Variants in ARIH2 observed in about 807,000 individuals in gnomAD.
ARIH2 encodes the protein E3 ubiquitin-protein ligase ARIH2.
A neutral mutation model predicts 79.8 loss-of-function variants in ARIH2; 12 were observed. The observed-to-expected ratio is 0.15, with a 90% CI of 0.10 to 0.24. ARIH2 has a LOEUF of 0.24. Ranked by LOEUF, ARIH2 falls within the 10% of genes least tolerant of loss-of-function variation. The probability of loss-of-function intolerance (pLI) is 1.00; values close to 1 mark genes in which losing one functional copy is unlikely to be tolerated. For synonymous variants in ARIH2, 224 were observed against 213.9 expected (o/e 1.05, Z -0.41); for missense variants, 301 against 618.3 (o/e 0.49, Z 5.44).
chr3:48,949,818 CT>C (rs148247018), intron 3 of ARIH2, among the ~76,000 whole-genome samples: 41 of 147,480 alleles, frequency 2.8e-4, no homozygotes, highest in South Asian at 8.6e-4. Flanking sequence ...TTACCTGTAT[CT>C]TTTTTTTTTA....
intron 3 of ARIH2, among the ~76,000 whole-genome samples, chr3:48,928,245 T>C: frequency 6.6e-6 from 1 of 152,270 alleles, no homozygotes; most frequent in Admixed American, 6.5e-5. Flanking sequence ...GAATAGTCAT[T>C]GCCTTTGGGC....
chr3:48,954,859 T>C (rs1426883699), intron 3 of ARIH2, among the ~76,000 whole-genome samples: 1 of 152,238 alleles, frequency 6.6e-6, no homozygotes, highest in Non-Finnish European at 1.5e-5. Context: ...TTTCTAGTTT[T>C]TAATTTCTAG....
intron 11 of ARIH2, among the ~76,000 whole-genome samples, chr3:48,976,067 C>T (rs1156287271): frequency 6.6e-6 from 1 of 151,994 alleles, no homozygotes; most frequent in East Asian, 1.9e-4. Context: ...CTCACCACCA[C>T]ACCTGGCTAC....
chr3:48,952,902 G>A (rs546669658), intron 3 of ARIH2, among the ~76,000 whole-genome samples: 1 of 152,190 alleles, frequency 6.6e-6, no homozygotes, highest in South Asian at 2.1e-4. Flanking sequence ...TGTGCATAAA[G>A]AAAGAATATC....
In ARIH2 at chr3:48,983,606, C is replaced by CA. The variant is rs60243443; in HGVS notation, c.*350dup. ...AACTTTCAAAGGTTGTACAATTATACAAAAAAAAAAAAAAGGCAAACTATA... is the reference window on the plus strand; with the variant it reads ...AACTTTCAAAGGTTGTACAATTATACAAAAAAAAAAAAAAAGGCAAACTATA... On this transcript the variant is annotated 3_prime_UTR_variant, in exon 16 of 16. Coordinates refer to ENST00000356401, the MANE Select transcript of ARIH2 (RefSeq NM_006321.4). 95,915 of 151,640 alleles carry CA rather than the reference C, an allele frequency of 0.63. 29,173 individuals carry two copies. The highest frequency in any genetic ancestry group is 0.89 in the East Asian group (4,766 of 5,350). 9.4% of individuals were successfully genotyped at this position (151,640 alleles called of 1,614,324 possible). A position where few individuals can be genotyped will look rare whatever the true frequency, so the allele number is the denominator to read the frequency against.
At chr3:48,981,234 A>AG (rs2092738101) in intron 13 of ARIH2, among the ~76,000 whole-genome samples, 1 of 151,176 alleles carries the variant, frequency 6.6e-6, no homozygotes, top group South Asian at 2.1e-4. Context: ...TGGAAGGCTG[A>AG]GGTGGGAGGA....
At chr3:48,952,254 G>A (rs1559784598) in intron 3 of ARIH2, among the ~76,000 whole-genome samples, 1 of 152,080 alleles carries the variant, frequency 6.6e-6, no homozygotes, top group Non-Finnish European at 1.5e-5. Context: ...GGGCATTATT[G>A]GTAGCTGACA....
intron 2 of ARIH2, chr3:48,924,695 T>G (rs13072911): frequency 0.65 from 99,166 of 151,448 alleles, 33,173 homozygotes; most frequent in East Asian, 0.96. Context: ...TATTTTTTAT[T>G]TTTTATTTTT....
chr3:48,972,764 A>G (rs1250741429), intron 8 of ARIH2, among the ~76,000 whole-genome samples: 1 of 152,042 alleles, frequency 6.6e-6, no homozygotes, highest in Non-Finnish European at 1.5e-5. Flanking sequence ...TCCACGTTGC[A>G]GTACAGTGAT....
intron 3 of ARIH2, among the ~76,000 whole-genome samples, chr3:48,960,379 A>G (rs1361733319): frequency 5.9e-5 from 9 of 152,262 alleles, no homozygotes; most frequent in Non-Finnish European, 2.9e-5. Flanking sequence ...CAGGAGTTCA[A>G]AGCTGTAGTG....
chr3:48,921,800 G>A (rs2084866971), intron 1 of ARIH2, among the ~76,000 whole-genome samples: 1 of 150,784 alleles, frequency 6.6e-6, no homozygotes, highest in African/African-American at 2.4e-5. Context: ...CGCCTAGACT[G>A]GAGTGTAGTG....
intron 3 of ARIH2, among the ~76,000 whole-genome samples, chr3:48,956,437 C>T (rs1261477159): frequency 9.7e-6 from 1 of 103,310 alleles, no homozygotes; most frequent in Non-Finnish European, 2.1e-5. Context: ...CTGCGCCCGG[C>T]ACTTTTTTTT....
At position 48,986,188 on chromosome 3, in the gene ARIH2, C is replaced by T. The variant is rs188271239; in HGVS notation, c.*2918C>T. 4 of 152,320 alleles carry T rather than the reference C, an allele frequency of 2.6e-5. No homozygotes were observed. The highest frequency in any genetic ancestry group is 2.0e-4 in the Admixed American group (3 of 15,312). 9.4% of individuals were successfully genotyped at this position (152,320 alleles called of 1,614,324 possible). ...CCTCATACATTGCCAGTCTGAACTCCGCAGCTCTTCCTCTGGACCTCAGGT... is the reference window on the plus strand; with the variant it reads ...CCTCATACATTGCCAGTCTGAACTCTGCAGCTCTTCCTCTGGACCTCAGGT... On this transcript the variant is annotated 3_prime_UTR_variant, in exon 16 of 16. Transcript: ENST00000356401.
At chr3:48,940,005 G>A (rs1333117752) in intron 3 of ARIH2, among the ~76,000 whole-genome samples, 7 of 151,920 alleles carry the variant, frequency 4.6e-5, no homozygotes, top group Non-Finnish European at 1.0e-4. Context: ...AGGTGTTAGA[G>A]ACCAGCCTGG....
intron 13 of ARIH2, 129 bp downstream of exon 13, chr3:48,980,625 T>G: frequency 9.4e-7 from 1 of 1,064,942 alleles, no homozygotes. Flanking sequence ...ATGCTTCTGC[T>G]TGTGGATCCA....
chr3:48,954,818 A>G (rs2090393957), intron 3 of ARIH2, among the ~76,000 whole-genome samples: 1 of 152,230 alleles, frequency 6.6e-6, no homozygotes, highest in African/African-American at 2.4e-5. Flanking sequence ...TTACTCAGTA[A>G]TTATCTTGAG....
intron 3 of ARIH2, among the ~76,000 whole-genome samples, chr3:48,959,148 C>T (rs1234300268): frequency 6.6e-6 from 1 of 151,414 alleles, no homozygotes; most frequent in Non-Finnish European, 1.5e-5. Context: ...AACCCCATCT[C>T]TACTAAAAAT....
chr3:48,938,745 C>T (rs1429267856), intron 3 of ARIH2, among the ~76,000 whole-genome samples: 1 of 151,724 alleles, frequency 6.6e-6, no homozygotes, highest in Non-Finnish European at 1.5e-5. Flanking sequence ...GGGGTGTTGT[C>T]TGGGGACATC....
intron 3 of ARIH2, among the ~76,000 whole-genome samples, chr3:48,953,098 T>TA: frequency 6.6e-6 from 1 of 151,968 alleles, no homozygotes; most frequent in East Asian, 1.9e-4. Flanking sequence ...CCCGGCTAAT[T>TA]TTTATATTTT....
Sources: allele counts gnomAD v4.1 joint callset (sites outside exome capture counted in the v4.1 genomes callset), GRCh38; gene constraint gnomAD v4.1.1; transcripts MANE v1.5; gene names NCBI Gene and HGNC (gene_info 2026-07-23, HGNC 2026-07-21).